Variants in RSRC1 observed in about 807,000 individuals in gnomAD.
RSRC1 encodes arginine and serine rich coiled-coil 1, also known as serine/Arginine-related protein 53.
Under a neutral mutation model 49.1 loss-of-function variants are expected in RSRC1, and 39 were observed. The ratio of observed to expected loss-of-function variants is 0.79; its 90% CI spans 0.61 to 1.04. RSRC1 has a LOEUF of 1.04. Among genes scored for constraint, RSRC1 ranks in the 50% least tolerant of loss-of-function variants. The pLI is 0.00. For missense variants in RSRC1, 388 were observed against 402.4 expected (o/e 0.96, Z 0.31); for synonymous variants, 143 against 130.8 (o/e 1.09, Z -0.63).
intron 2 of RSRC1, among the ~76,000 whole-genome samples, chr3:158,122,627 C>T (rs1296435553): frequency 6.6e-6 from 1 of 151,938 alleles, no homozygotes; most frequent in Admixed American, 6.6e-5. Flanking sequence ...TAGTACACAA[C>T]ATGCAGGTTT....
intron 7 of RSRC1, among the ~76,000 whole-genome samples, chr3:158,498,507 C>T (rs1739450750): frequency 2.3e-5 from 2 of 87,074 alleles, no homozygotes; most frequent in African/African-American, 8.9e-5. Flanking sequence ...TATTTTCTCC[C>T]ACCCTGTGGG....
chr3:158,360,860 G>A (rs1731428307), intron 6 of RSRC1, among the ~76,000 whole-genome samples: 1 of 152,176 alleles, frequency 6.6e-6, no homozygotes, highest in Non-Finnish European at 1.5e-5. Flanking sequence ...CTGCAGCCAT[G>A]CTCAGGAGGG....
At chr3:158,396,429 A>G (rs1451740917) in intron 6 of RSRC1, among the ~76,000 whole-genome samples, 1 of 151,454 alleles carries the variant, frequency 6.6e-6, no homozygotes, top group East Asian at 1.9e-4. Flanking sequence ...TCTTTTCTGA[A>G]GATTTCTTTT....
At chr3:158,417,494 A>C (rs886480365) in intron 6 of RSRC1, among the ~76,000 whole-genome samples, 12 of 152,162 alleles carry the variant, frequency 7.9e-5, no homozygotes, top group African/African-American at 2.9e-4. Context: ...AATATAGTAA[A>C]GTAGGAAAAG....
chr3:158,478,947 G>GAAAAAAAAA (rs1491197957), intron 7 of RSRC1, among the ~76,000 whole-genome samples: 1 of 44,772 alleles, frequency 2.2e-5, no homozygotes, highest in African/African-American at 8.7e-5. Flanking sequence ...AGGAGAAAAA[G>GAAAAAAAAA]CAAAAAAAAA....
intron 3 of RSRC1, among the ~76,000 whole-genome samples, chr3:158,129,442 C>G (rs1430339963): frequency 6.6e-6 from 1 of 151,846 alleles, no homozygotes; most frequent in Non-Finnish European, 1.5e-5. Flanking sequence ...AGGTGCCCAC[C>G]ACCACGTCCA....
chr3:158,480,916 T>G (rs1444557268), intron 7 of RSRC1, among the ~76,000 whole-genome samples: 2 of 152,028 alleles, frequency 1.3e-5, no homozygotes, highest in Non-Finnish European at 1.5e-5. Context: ...CCACATGAAT[T>G]TCTCTGGGGA....
chr3:158,132,528 T>G (rs1354738347), intron 3 of RSRC1, among the ~76,000 whole-genome samples: 3 of 152,188 alleles, frequency 2.0e-5, no homozygotes, highest in African/African-American at 7.2e-5. Flanking sequence ...TGTTATTTCT[T>G]CAACTTGAAA....
intron 3 of RSRC1, among the ~76,000 whole-genome samples, chr3:158,137,938 C>G (rs985207886): frequency 2.0e-5 from 3 of 152,190 alleles, no homozygotes; most frequent in African/African-American, 7.2e-5. Context: ...ATGCTGATTA[C>G]AGGCTTGAGC....
At chr3:158,471,062 C>T (rs1204399907) in intron 7 of RSRC1, among the ~76,000 whole-genome samples, 1 of 152,174 alleles carries the variant, frequency 6.6e-6, no homozygotes, top group Non-Finnish European at 1.5e-5. Context: ...GGCCATAGAG[C>T]AAGATTATAC....
chr3:158,253,711 T>C (rs1724359862), intron 4 of RSRC1, among the ~76,000 whole-genome samples: 1 of 152,146 alleles, frequency 6.6e-6, no homozygotes, highest in Non-Finnish European at 1.5e-5. Flanking sequence ...TCTTTAGGTC[T>C]AATAAAACTT....
chr3:158,270,401 G>C (rs1418000576), intron 4 of RSRC1, among the ~76,000 whole-genome samples: 2 of 152,190 alleles, frequency 1.3e-5, no homozygotes, highest in Non-Finnish European at 2.9e-5. Context: ...CCTGTATGGG[G>C]ACTGATTCAC....
At chr3:158,216,476 A>G (rs1490937223) in intron 4 of RSRC1, among the ~76,000 whole-genome samples, 2 of 151,014 alleles carry the variant, frequency 1.3e-5, no homozygotes, top group Non-Finnish European at 3.0e-5. Flanking sequence ...ATCTTCTTTC[A>G]GCTACTAGGT....
intron 7 of RSRC1, among the ~76,000 whole-genome samples, chr3:158,462,896 C>T (rs1737689170): frequency 6.6e-6 from 1 of 151,962 alleles, no homozygotes; most frequent in Admixed American, 6.6e-5. Flanking sequence ...CATATTCCTC[C>T]AATCATAGCT....
chr3:158,200,643 A>G (rs930704934), intron 3 of RSRC1, among the ~76,000 whole-genome samples: 3 of 151,910 alleles, frequency 2.0e-5, no homozygotes, highest in Non-Finnish European at 2.9e-5. Flanking sequence ...CTTTTTAGCT[A>G]TACTTATTTT....
At chr3:158,216,998 A>G (rs1214305522) in intron 4 of RSRC1, among the ~76,000 whole-genome samples, 3 of 151,654 alleles carry the variant, frequency 2.0e-5, no homozygotes, top group Admixed American at 6.6e-5. Context: ...CCAAGTCTTA[A>G]GTAGGCCAGA....
At chr3:158,303,322 T>C (rs953518023) in intron 5 of RSRC1, 1 of 152,226 alleles carries the variant, frequency 6.6e-6, no homozygotes, top group Non-Finnish European at 1.5e-5. Context: ...AGCTGTGCTA[T>C]GCCCCCTTTG....
At chr3:158,305,853 CTG>C (rs1727809316) in intron 5 of RSRC1, among the ~76,000 whole-genome samples, 1 of 152,058 alleles carries the variant, frequency 6.6e-6, no homozygotes, top group Admixed American at 6.6e-5. Flanking sequence ...CACAACTGCT[CTG>C]TTTCACTTTT....
Position 158,344,151 on chromosome 3 carries a change from T to G in RSRC1, c.532-10706T>G, listed in dbSNP as rs574411447. On this transcript the variant is annotated intron_variant, in intron 5 of 9. Transcript: ENST00000611884. ...CCATGCGCCTGTAATCCTAGCTACT[T>G]GGAAGGCTGAGGCAGGAGAATTGCT... 3.9e-5 allele frequency among the ~76,000 whole-genome samples: 6 copies of G among 152,144 alleles called. No individual in the cohort carries two copies. The South Asian group carries it at 1.2e-3, about 32-fold the overall frequency.
Sources: gnomAD v4.1 joint callset for allele counts (sites outside exome capture counted in the v4.1 genomes callset) on GRCh38, gnomAD v4.1.1 for gene constraint, MANE v1.5 for transcripts, NCBI Gene and HGNC (gene_info 2026-07-23, HGNC 2026-07-21) for gene names.